Variants in TEC observed in about 807,000 individuals in gnomAD.
The protein encoded by TEC is tec protein tyrosine kinase.
A neutral mutation model predicts 93.0 loss-of-function variants in TEC; 72 were observed. The ratio of observed to expected loss-of-function variants is 0.77; its 90% CI spans 0.64 to 0.94. TEC has a LOEUF of 0.94. TEC is among the 40% of genes least tolerant of loss of function. TEC has a pLI of 0.00. For missense variants in TEC, 630 were observed against 757.9 expected, an observed-to-expected ratio of 0.83 and a Z score of 1.98; for synonymous variants, 249 against 247.7, an observed-to-expected ratio of 1.01 and a Z score of -0.05.
chr4:48,264,314 C>A (rs1724576391), intron 1 of TEC, among the ~76,000 whole-genome samples: 1 of 152,198 alleles, frequency 6.6e-6, no homozygotes, highest in Non-Finnish European at 1.5e-5. Flanking sequence ...GCCACTCCAA[C>A]CAGTTAGGTG....
intron 15 of TEC, 120 bp from the exon 16 acceptor site, chr4:48,139,142 C>T (rs1179729712): frequency 1.5e-5 from 12 of 825,838 alleles, no homozygotes; most frequent in East Asian, 2.6e-5. Flanking sequence ...AACAAGCATC[C>T]GGTTGAAGCT....
chr4:48,162,503 C>T (rs933549771), intron 8 of TEC, among the ~76,000 whole-genome samples: 1 of 152,202 alleles, frequency 6.6e-6, no homozygotes, highest in African/African-American at 2.4e-5. Context: ...CACGCTATCG[C>T]TTTAAAACCA....
intron 12 of TEC, among the ~76,000 whole-genome samples, chr4:48,145,904 T>C (rs77833414): frequency 6.6e-6 from 1 of 152,226 alleles, no homozygotes; most frequent in Non-Finnish European, 1.5e-5. Flanking sequence ...AGGTTTTTTT[T>C]TTGTTGTTGT....
At chr4:48,195,645 T>C (rs1722276929) in intron 2 of TEC, among the ~76,000 whole-genome samples, 1 of 152,218 alleles carries the variant, frequency 6.6e-6, no homozygotes, top group African/African-American at 2.4e-5. Context: ...TGCAATTTAC[T>C]GTTGGGTAAA....
chr4:48,259,329 A>G (rs983726327), intron 1 of TEC, among the ~76,000 whole-genome samples: 7 of 152,348 alleles, frequency 4.6e-5, no homozygotes, highest in East Asian at 3.9e-4. Flanking sequence ...ATGTTTGCCT[A>G]CGTAACAAAC....
chr4:48,213,122 C>T (rs1198576871), intron 2 of TEC, among the ~76,000 whole-genome samples: 1 of 152,200 alleles, frequency 6.6e-6, no homozygotes, highest in African/African-American at 2.4e-5. Flanking sequence ...ATAAAATTAA[C>T]AGCAATGCCT....
At chr4:48,154,430 G>T (rs1052987265) in intron 9 of TEC, among the ~76,000 whole-genome samples, 3 of 152,060 alleles carry the variant, frequency 2.0e-5, no homozygotes, top group African/African-American at 7.2e-5. Flanking sequence ...TTTTTTACTG[G>T]AAATTAGTAC....
intron 1 of TEC, among the ~76,000 whole-genome samples, chr4:48,262,208 T>TTTTTTTTTTTTTA: frequency 7.5e-6 from 1 of 133,000 alleles, no homozygotes; most frequent in Non-Finnish European, 1.6e-5. Flanking sequence ...TCTCTTTTTT[T>TTTTTTTTTTTTTA]TTTTTTGAGA....
chr4:48,208,548 G>T (rs1461878318), intron 2 of TEC, among the ~76,000 whole-genome samples: 2 of 150,880 alleles, frequency 1.3e-5, no homozygotes, highest in East Asian at 3.9e-4. Context: ...TTCCCTCTCT[G>T]CTGTTCTTTG....
intron 2 of TEC, among the ~76,000 whole-genome samples, chr4:48,201,369 T>A (rs556600278): frequency 6.6e-6 from 1 of 152,184 alleles, no homozygotes; most frequent in South Asian, 2.1e-4. Context: ...ACTGGGAAAG[T>A]CATCTGCACA....
chr4:48,219,717 A>G lies in TEC; in HGVS notation c.138+8760T>C, dbSNP rs142209921. Among the ~76,000 whole-genome samples the G allele has an allele frequency of 2.9e-3, 440 of 152,164 alleles. 4 individuals are homozygous for G. Among genetic ancestry groups the G allele is most frequent in the African/African-American group, 0.01 (424 of 41,494 alleles). ...CGTGATTTGCTTCACCTTGTCAATC[A>G]CTTAGAAGATTCACCTTCCTTACCC... On this transcript the variant is annotated intron_variant, in intron 2 of 17. Transcript: ENST00000381501.
chr4:48,255,804 G>A (rs549852758), intron 1 of TEC, among the ~76,000 whole-genome samples: 66 of 152,186 alleles, frequency 4.3e-4, no homozygotes, highest in Non-Finnish European at 8.4e-4. Context: ...TCAATCAATG[G>A]CAGCTATTAT....
At position 48,150,907 on chromosome 4, in the gene TEC, A is replaced by C; in HGVS notation, c.828T>G (p.Ser276Arg). 6.3e-7 allele frequency: 1 copy of C among 1,589,124 alleles called. No individual in the cohort carries two copies. Among genetic ancestry groups the C allele is most frequent in the Non-Finnish European group, 8.6e-7 (1 of 1,168,956 alleles). ...GGGAGACTGTGTACAAGCCTGGTTG[A>C]CTGGAATCCCTTACCATAAAACCAC... ...KEGGFMVRDSSQPGLYTVSLY... is the reference protein window; with the variant it reads ...KEGGFMVRDSRQPGLYTVSLY... The change falls in exon 10 of 18, where the codon AGT becomes AGG. Residue 276 changes from serine to arginine, a missense_variant. Coordinates refer to ENST00000381501, the MANE Select transcript of TEC (RefSeq NM_003215.3).
chr4:48,176,596 C>T (rs1296881911), intron 2 of TEC, among the ~76,000 whole-genome samples: 1 of 152,110 alleles, frequency 6.6e-6, no homozygotes, highest in Non-Finnish European at 1.5e-5. Context: ...GTGCTGTGCG[C>T]CTGTAATCCC....
intron 2 of TEC, among the ~76,000 whole-genome samples, chr4:48,187,301 C>T (rs1176690200): frequency 1.3e-5 from 2 of 152,210 alleles, no homozygotes; most frequent in Admixed American, 6.5e-5. Context: ...TGCGGAAGGC[C>T]GCAGGGTCCT....
chr4:48,211,092 C>CCTA (rs1054893690), intron 2 of TEC, among the ~76,000 whole-genome samples: 1 of 152,138 alleles, frequency 6.6e-6, no homozygotes, highest in Non-Finnish European at 1.5e-5. Context: ...AGTAATTTGT[C>CCTA]CTAGGTCATG....
intron 1 of TEC, among the ~76,000 whole-genome samples, chr4:48,253,985 G>C (rs1033273562): frequency 6.6e-6 from 1 of 152,044 alleles, no homozygotes; most frequent in Non-Finnish European, 1.5e-5. Context: ...GTATCTGCTC[G>C]AGTTGTTCTC....
At chr4:48,175,981 C>G in intron 3 of TEC, 101 bp downstream of exon 3, 1 of 786,116 alleles carries the variant, frequency 1.3e-6, no homozygotes, top group East Asian at 2.7e-5. Flanking sequence ...GGCAAATGAA[C>G]CTACAAATCA....
chr4:48,207,165 A>G (rs2109605228), intron 2 of TEC, among the ~76,000 whole-genome samples: 1 of 152,336 alleles, frequency 6.6e-6, no homozygotes, highest in Middle Eastern at 3.4e-3. Flanking sequence ...TGGTAGGAAC[A>G]TGAAAATAGA....
Sources: allele counts gnomAD v4.1 joint callset (sites outside exome capture counted in the v4.1 genomes callset), GRCh38; gene constraint gnomAD v4.1.1; transcripts MANE v1.5; gene names NCBI Gene and HGNC (gene_info 2026-07-23, HGNC 2026-07-21).